The following DEPTOR variants were observed in gnomAD, a reference collection of about 807,000 sequenced individuals.
DEPTOR encodes the protein DEP domain containing MTOR interacting protein.
Under a neutral mutation model 41.6 loss-of-function variants are expected in DEPTOR, and 41 were observed. The observed-to-expected ratio is 0.98, with a 90% CI of 0.77 to 1.28. The LOEUF is 1.28. Ranked by LOEUF, DEPTOR falls within the 50% of genes most tolerant of loss-of-function variation. The pLI, the probability that DEPTOR is intolerant of heterozygous loss-of-function variation, is 0.00. For missense variants in DEPTOR, 514 were observed against 527.9 expected, an observed-to-expected ratio of 0.97 and a Z score of 0.26; for synonymous variants, 195 against 192.3, an observed-to-expected ratio of 1.01 and a Z score of -0.12.
At chr8:120,008,219 GCCCTTGGTGGAGGGCT>G (rs1310183080) in intron 7 of DEPTOR, among the ~76,000 whole-genome samples, 17 of 152,008 alleles carry the variant, frequency 1.1e-4, no homozygotes, top group Non-Finnish European at 1.2e-4. Context: ...GCATGGTGGA[GCCCTTGGTGGAGGGCT>G]CCCTTGGTGG....
intron 1 of DEPTOR, among the ~76,000 whole-genome samples, chr8:119,879,928 G>A (rs1417800238): frequency 1.3e-5 from 2 of 152,088 alleles, no homozygotes; most frequent in Non-Finnish European, 2.9e-5. Context: ...TGGATCACGA[G>A]GTCAGGCATT....
At chr8:119,939,070 G>A (rs1440985548) in intron 3 of DEPTOR, among the ~76,000 whole-genome samples, 3 of 152,020 alleles carry the variant, frequency 2.0e-5, no homozygotes, top group Non-Finnish European at 2.9e-5. Flanking sequence ...GGGTCTTGGG[G>A]ACTGAAGAGA....
chr8:119,994,347 CA>C (rs779564836), intron 4 of DEPTOR, among the ~76,000 whole-genome samples: 2 of 152,114 alleles, frequency 1.3e-5, no homozygotes, highest in Non-Finnish European at 2.9e-5. Context: ...CTCTGGAATA[CA>C]AACTCTATGT....
intron 1 of DEPTOR, among the ~76,000 whole-genome samples, chr8:119,888,659 C>T (rs1397280510): frequency 6.6e-6 from 1 of 151,966 alleles, no homozygotes; most frequent in Non-Finnish European, 1.5e-5. Flanking sequence ...AGTTTGAGAC[C>T]AGCCTGGCCA....
chr8:120,010,192 G>A (rs765776405), intron 8 of DEPTOR, among the ~76,000 whole-genome samples: 6 of 149,142 alleles, frequency 4.0e-5, no homozygotes, highest in African/African-American at 1.3e-4. Context: ...ACTATTTCCC[G>A]TTGTTTTATG....
At chr8:120,024,905 G>A in intron 8 of DEPTOR, among the ~76,000 whole-genome samples, 1 of 152,138 alleles carries the variant, frequency 6.6e-6, no homozygotes. Flanking sequence ...TAGAAAAGGG[G>A]TCAGGGCATT....
chr8:120,009,401 T>A (rs1417861599), intron 8 of DEPTOR, among the ~76,000 whole-genome samples: 1 of 151,932 alleles, frequency 6.6e-6, no homozygotes, highest in African/African-American at 2.4e-5. Context: ...TCACTTGAGG[T>A]CAGGAGTTCA....
At chr8:120,025,705 T>C (rs1812786534) in intron 8 of DEPTOR, among the ~76,000 whole-genome samples, 3 of 152,084 alleles carry the variant, frequency 2.0e-5, no homozygotes, top group African/African-American at 4.8e-5. Context: ...CTTTCTTCAT[T>C]TCCCAAAATC....
chr8:119,962,788 T>TG (rs1828509923), intron 3 of DEPTOR, among the ~76,000 whole-genome samples: 1 of 152,146 alleles, frequency 6.6e-6, no homozygotes, highest in Admixed American at 6.6e-5. Flanking sequence ...AAAGTATTGG[T>TG]GTTTTAGACT....
chr8:119,943,403 G>A (rs1019439756), intron 3 of DEPTOR, among the ~76,000 whole-genome samples: 1 of 152,176 alleles, frequency 6.6e-6, no homozygotes, highest in East Asian at 1.9e-4. Context: ...TTACATGACA[G>A]CAGGTGAGGG....
intron 3 of DEPTOR, among the ~76,000 whole-genome samples, 192 bp from the exon 4 acceptor site, chr8:119,965,040 T>C (rs927230022): frequency 6.6e-6 from 1 of 152,046 alleles, no homozygotes; most frequent in African/African-American, 2.4e-5. Flanking sequence ...GCCATTGCAC[T>C]CCAGCCTGGG....
At chr8:119,911,667 A>G (rs4053280) in intron 1 of DEPTOR, among the ~76,000 whole-genome samples, 33,395 of 152,118 alleles carry the variant, frequency 0.22, 4,240 homozygotes, top group African/African-American at 0.34. Context: ...TTCTGAAGGA[A>G]GGGTTATGTA....
intron 3 of DEPTOR, among the ~76,000 whole-genome samples, chr8:119,951,997 T>C (rs1464700910): frequency 2.0e-5 from 3 of 152,096 alleles, no homozygotes; most frequent in Admixed American, 6.6e-5. Flanking sequence ...TAGCTGGGCA[T>C]GGAGGCACAC....
intron 8 of DEPTOR, among the ~76,000 whole-genome samples, chr8:120,048,244 T>C (rs1326416987): frequency 6.6e-6 from 1 of 152,202 alleles, no homozygotes; most frequent in Non-Finnish European, 1.5e-5. Flanking sequence ...TTTCCAAGTC[T>C]AGGGTCTAAA....
At chr8:120,035,932 C>G (rs1202433355) in intron 8 of DEPTOR, among the ~76,000 whole-genome samples, 1 of 152,224 alleles carries the variant, frequency 6.6e-6, no homozygotes, top group Admixed American at 6.5e-5. Context: ...CTAGAGCTGT[C>G]ATGAGCTGCC....
chr8:119,888,557 C>A (rs1252585850), intron 1 of DEPTOR, among the ~76,000 whole-genome samples: 2 of 152,032 alleles, frequency 1.3e-5, no homozygotes, highest in South Asian at 2.1e-4. Context: ...GATGGATAAA[C>A]AAGAATTCTT....
At chr8:119,986,980 C>T (rs1828837717) in intron 4 of DEPTOR, among the ~76,000 whole-genome samples, 1 of 151,902 alleles carries the variant, frequency 6.6e-6, no homozygotes, top group African/African-American at 2.4e-5. Context: ...AGAACATGCT[C>T]TGTTAGCTCA....
intron 8 of DEPTOR, among the ~76,000 whole-genome samples, chr8:120,025,067 C>T (rs1023163223): frequency 2.0e-5 from 3 of 152,132 alleles, no homozygotes; most frequent in Non-Finnish European, 2.9e-5. Context: ...GAGGTCCCTG[C>T]CCTCAGGGGG....
intron 3 of DEPTOR, among the ~76,000 whole-genome samples, chr8:119,930,618 G>T (rs898357347): frequency 1.3e-5 from 2 of 152,166 alleles, no homozygotes; most frequent in Admixed American, 1.3e-4. Flanking sequence ...ATCGAGAGCA[G>T]GGGAATTGGT....
Sources: allele counts gnomAD v4.1 joint callset (sites outside exome capture counted in the v4.1 genomes callset), GRCh38; gene constraint gnomAD v4.1.1; transcripts MANE v1.5; gene names NCBI Gene and HGNC (gene_info 2026-07-23, HGNC 2026-07-21).